The following ACTR3 variants were observed in gnomAD, a reference collection of about 807,000 sequenced individuals.
ACTR3 encodes actin-related protein 3.
In ACTR3, 12 loss-of-function variants were observed where a neutral mutation model predicts 56.8. The observed-to-expected ratio is 0.21, with a 90% CI of 0.14 to 0.34. The LOEUF is 0.34. Among genes scored for constraint, ACTR3 ranks in the 10% least tolerant of loss-of-function variants. The pLI, the probability that ACTR3 is intolerant of heterozygous loss-of-function variation, is 1.00. For missense variants in ACTR3, 282 were observed against 512.5 expected, an observed-to-expected ratio of 0.55 and a Z score of 4.34; for synonymous variants, 162 against 167.4, an observed-to-expected ratio of 0.97 and a Z score of 0.25.
rs989748523 is a variant in ACTR3, at chr2:113,959,562, T to C, written c.*2107T>C. 5 of 152,050 alleles carry C rather than the reference T, an allele frequency of 3.3e-5. No homozygotes were observed. The East Asian group carries it at 7.7e-4, about 23-fold the overall frequency. The allele number at this position is 152,050 out of a possible 1,614,324, so 9.4% of individuals were successfully genotyped here. ...TTTCTTGAAGCTTACGCTTAACTTA[T>C]TTGGGGAAACAAAACTCCAGCCCTT... On this transcript the variant is annotated 3_prime_UTR_variant, in exon 12 of 12. Transcript: ENST00000263238.
chr2:113,890,455 A>G (rs1293878205), intron 1 of ACTR3, 132 bp downstream of exon 1: 9 of 1,273,698 alleles, frequency 7.1e-6, no homozygotes, highest in Non-Finnish European at 9.4e-6. Flanking sequence ...CCCGCCGGCC[A>G]GCGAGGGGTG....
intron 1 of ACTR3, among the ~76,000 whole-genome samples, chr2:113,911,919 A>ATC (rs1182111901): frequency 6.8e-6 from 1 of 147,978 alleles, no homozygotes; most frequent in African/African-American, 2.5e-5. Context: ...TATTTTTAGT[A>ATC]GAGTTGGGGG....
Position 113,927,472 on chromosome 2 carries a change from A to G in ACTR3, c.336+17A>G, listed in dbSNP as rs775911261. ...TTTCTTTTGGTAAGTTACAAGTTAT[A>G]ATTTCACTGAGGAAATTTTTGAATA... is the stretch of plus-strand genomic sequence containing the variant. On this transcript the variant is annotated intron_variant, in intron 4 of 11. Transcript: ENST00000263238. 6 of 1,535,596 alleles carry G rather than the reference A, an allele frequency of 3.9e-6. No individual in the cohort carries two copies. The South Asian group carries it at 7.2e-5, about 18-fold the overall frequency.
chr2:113,950,463 A>G (rs1680100179), intron 8 of ACTR3, among the ~76,000 whole-genome samples: 1 of 152,194 alleles, frequency 6.6e-6, no homozygotes, highest in Admixed American at 6.5e-5. Flanking sequence ...GAATGTGCAC[A>G]TCAGTGGACT....
intron 1 of ACTR3, among the ~76,000 whole-genome samples, chr2:113,899,635 A>G (rs772683263): frequency 2.0e-5 from 3 of 152,246 alleles, no homozygotes; most frequent in Non-Finnish European, 2.9e-5. Flanking sequence ...ATCCTTGGAA[A>G]AGCATAAATA....
chr2:113,960,033 A>C lies in ACTR3; in HGVS notation c.*2578A>C, dbSNP rs766211181. 6.6e-6 allele frequency: 1 copy of C among 152,050 alleles called. No individual in the cohort carries two copies. Among genetic ancestry groups the C allele is most frequent in the Non-Finnish European group, 1.5e-5 (1 of 67,916 alleles). 9.4% of individuals were successfully genotyped at this position (152,050 alleles called of 1,614,324 possible). A position where few individuals can be genotyped will look rare whatever the true frequency, so the allele number is the denominator to read the frequency against. On this transcript the variant is annotated 3_prime_UTR_variant, in exon 12 of 12. Coordinates refer to ENST00000263238, the MANE Select transcript of ACTR3 (RefSeq NM_005721.5). Reference sequence around the variant, plus strand: ...TTGTTAGAATATAATGTAGCTTATTAATAGCAATATTAGCAGTGTAGTAGA... The same window carrying C: ...TTGTTAGAATATAATGTAGCTTATTCATAGCAATATTAGCAGTGTAGTAGA...
chr2:113,892,383 A>G (rs1055360357), intron 1 of ACTR3, among the ~76,000 whole-genome samples: 21 of 152,230 alleles, frequency 1.4e-4, no homozygotes, highest in Admixed American at 4.6e-4. Flanking sequence ...TTAACTGCAC[A>G]TTGATGATTT....
rs569591637 is a variant in ACTR3 at position 113,928,155 on chromosome 2, C to T, written c.336+700C>T. 2.6e-5 allele frequency among the ~76,000 whole-genome samples: 4 copies of T among 152,234 alleles called. No homozygotes were observed. The East Asian group carries it at 7.7e-4, about 29-fold the overall frequency. ...ACAAAATACCTATCCTTTCCCACTC[C>T]TCGCATTGTAGTTACATCACAATTT... On this transcript the variant is annotated intron_variant, in intron 4 of 11. Transcript: ENST00000263238.
At chr2:113,906,102 A>G (rs1157273864) in intron 1 of ACTR3, among the ~76,000 whole-genome samples, 1 of 151,878 alleles carries the variant, frequency 6.6e-6, no homozygotes, top group African/African-American at 2.4e-5. Context: ...ACCATTTTAA[A>G]CTCTCACCAG....
chr2:113,895,059 T>TCCCCCCCCCCCCCCC (rs61667793), intron 1 of ACTR3, among the ~76,000 whole-genome samples: 6 of 111,356 alleles, frequency 5.4e-5, no homozygotes, highest in African/African-American at 6.8e-5. Flanking sequence ...TGGTTTAGGT[T>TCCCCCCCCCCCCCCC]CCCCCCCCCC....
At chr2:113,901,032 GT>G in intron 1 of ACTR3, among the ~76,000 whole-genome samples, 1 of 152,160 alleles carries the variant, frequency 6.6e-6, no homozygotes, top group Non-Finnish European at 1.5e-5. Context: ...TGTTTTAAAA[GT>G]TTCTGGCTGG....
chr2:113,918,247 G>T (rs2104597618), intron 3 of ACTR3, among the ~76,000 whole-genome samples: 1 of 152,234 alleles, frequency 6.6e-6, no homozygotes, highest in East Asian at 1.9e-4. Flanking sequence ...ATTGGAATCT[G>T]CCTGTTTGAA....
chr2:113,926,798 C>G (rs1199347160), intron 3 of ACTR3, among the ~76,000 whole-genome samples: 1 of 152,160 alleles, frequency 6.6e-6, no homozygotes, highest in East Asian at 1.9e-4. Flanking sequence ...ACACCACATC[C>G]AAATCATAGT....
rs913615487 is a variant in ACTR3, at chr2:113,958,768, T to TTA, written c.*1316_*1317dup. ...ATAGAAAGAGAAAATGGGAAATGTT[T>TTA]TATAGGCTTTTTACTAGCAGTATCA... is the stretch of plus-strand genomic sequence containing the variant. On this transcript the variant is annotated 3_prime_UTR_variant, in exon 12 of 12. Transcript: ENST00000263238. 3.5e-4 allele frequency: 53 copies of TTA among 152,012 alleles called. No homozygotes were observed. The highest frequency in any genetic ancestry group is 1.2e-3 in the African/African-American group (51 of 41,430). 9.4% of individuals were successfully genotyped at this position (152,012 alleles called of 1,614,324 possible). A position where few individuals can be genotyped will look rare whatever the true frequency, so the allele number is the denominator to read the frequency against.
intron 1 of ACTR3, among the ~76,000 whole-genome samples, chr2:113,907,975 CCAA>C (rs1294810194): frequency 8.2e-6 from 1 of 122,236 alleles, no homozygotes; most frequent in Admixed American, 8.1e-5. Context: ...ACTCTGTCCC[CCAA>C]AAAAAAAAAA....
At chr2:113,920,371 T>C (rs1351538185) in intron 3 of ACTR3, among the ~76,000 whole-genome samples, 2 of 152,222 alleles carry the variant, frequency 1.3e-5, no homozygotes, top group Admixed American at 1.3e-4. Flanking sequence ...TAAAAAAATT[T>C]TACTTGACAT....
At chr2:113,944,584 TA>T (rs34378884) in intron 8 of ACTR3, among the ~76,000 whole-genome samples, 3,337 of 57,974 alleles carry the variant, frequency 0.058, 113 homozygotes, top group African/African-American at 0.14. Flanking sequence ...CCGTCTCTAC[TA>T]AAAAAAAAAA....
intron 1 of ACTR3, among the ~76,000 whole-genome samples, chr2:113,911,124 G>A (rs1227517497): frequency 6.6e-6 from 1 of 152,170 alleles, no homozygotes; most frequent in East Asian, 1.9e-4. Context: ...TGTAGTAGGA[G>A]CAGTGTTAAT....
At chr2:113,944,584 TAAAAAAA>T (rs34378884) in intron 8 of ACTR3, among the ~76,000 whole-genome samples, 1 of 57,992 alleles carries the variant, frequency 1.7e-5, no homozygotes, top group Admixed American at 2.6e-4. Flanking sequence ...CCGTCTCTAC[TAAAAAAA>T]AAAAAAAAAA....
Sources: allele counts gnomAD v4.1 joint callset (sites outside exome capture counted in the v4.1 genomes callset), GRCh38; gene constraint gnomAD v4.1.1; transcripts MANE v1.5; gene names NCBI Gene and HGNC (gene_info 2026-07-23, HGNC 2026-07-21).